The following NKAIN3 variants were observed in gnomAD, a reference collection of about 807,000 sequenced individuals.
NKAIN3 encodes the protein sodium/potassium transporting ATPase interacting 3.
NKAIN3 carries 25 observed loss-of-function variants against 30.2 expected under a neutral mutation model. That is an observed-to-expected ratio of 0.83 (90% CI 0.60 to 1.16). NKAIN3 has a LOEUF of 1.16. Among genes scored for constraint, NKAIN3 ranks in the 50% most tolerant of loss-of-function variants. The pLI is 0.00. For missense variants in NKAIN3, 225 were observed against 254.1 expected, an observed-to-expected ratio of 0.89 and a Z score of 0.78; for synonymous variants, 91 against 89.6, an observed-to-expected ratio of 1.02 and a Z score of -0.09.
intron 5 of NKAIN3, among the ~76,000 whole-genome samples, chr8:62,948,811 C>A (rs1823200550): frequency 6.6e-6 from 1 of 152,196 alleles, no homozygotes; most frequent in Non-Finnish European, 1.5e-5. Flanking sequence ...CCAGTTCCAA[C>A]CTCTCTTTCT....
At chr8:62,697,200 A>T (rs921208924) in intron 3 of NKAIN3, among the ~76,000 whole-genome samples, 4 of 152,106 alleles carry the variant, frequency 2.6e-5, no homozygotes, top group African/African-American at 9.7e-5. Flanking sequence ...TCAACAGCCA[A>T]CAGAGCCCTA....
At chr8:62,689,220 A>G (rs1586091460) in intron 3 of NKAIN3, among the ~76,000 whole-genome samples, 1 of 152,186 alleles carries the variant, frequency 6.6e-6, no homozygotes, top group Non-Finnish European at 1.5e-5. Context: ...TGATGCAACA[A>G]AAAGTGCTTG....
intron 3 of NKAIN3, among the ~76,000 whole-genome samples, chr8:62,721,992 A>C (rs1488689184): frequency 6.6e-6 from 1 of 152,284 alleles, no homozygotes; most frequent in East Asian, 1.9e-4. Flanking sequence ...TGTGAAAGGG[A>C]AGAGCTTTTC....
chr8:62,618,744 A>T (rs368973084), intron 3 of NKAIN3, among the ~76,000 whole-genome samples: 1 of 152,052 alleles, frequency 6.6e-6, no homozygotes, highest in Non-Finnish European at 1.5e-5. Context: ...TGTCTCTCCT[A>T]AAAATGCAAA....
intron 4 of NKAIN3, among the ~76,000 whole-genome samples, chr8:62,827,104 G>T (rs968472855): frequency 6.6e-6 from 1 of 152,162 alleles, no homozygotes; most frequent in Non-Finnish European, 1.5e-5. Context: ...CAAACCAAAA[G>T]GCTGGTATCA....
intron 4 of NKAIN3, among the ~76,000 whole-genome samples, chr8:62,857,476 G>A (rs188110065): frequency 7.2e-5 from 11 of 152,152 alleles, no homozygotes; most frequent in Admixed American, 3.3e-4. Context: ...TCTCTTTCAC[G>A]TACCCCAATC....
At chr8:62,696,376 A>T (rs1230320868) in intron 3 of NKAIN3, among the ~76,000 whole-genome samples, 1 of 152,188 alleles carries the variant, frequency 6.6e-6, no homozygotes, top group East Asian at 1.9e-4. Flanking sequence ...AAGATTTCAT[A>T]TCTATAGGCA....
At chr8:62,283,000 G>A (rs1278994848) in intron 1 of NKAIN3, among the ~76,000 whole-genome samples, 1 of 152,172 alleles carries the variant, frequency 6.6e-6, no homozygotes, top group Admixed American at 6.6e-5. Flanking sequence ...GCCGTGTTGA[G>A]TTCTGAACTC....
chr8:62,487,917 G>A (rs111838877), intron 1 of NKAIN3, among the ~76,000 whole-genome samples: 1 of 152,184 alleles, frequency 6.6e-6, no homozygotes, highest in Non-Finnish European at 1.5e-5. Context: ...CTGCTGAGGA[G>A]TCTGGATGTT....
intron 1 of NKAIN3, among the ~76,000 whole-genome samples, chr8:62,429,977 C>T (rs1311016243): frequency 6.6e-6 from 1 of 151,838 alleles, no homozygotes; most frequent in Non-Finnish European, 1.5e-5. Flanking sequence ...AAACAGTATA[C>T]CCATTGAACA....
At chr8:62,870,961 A>T (rs1563604689) in intron 4 of NKAIN3, among the ~76,000 whole-genome samples, 1 of 152,010 alleles carries the variant, frequency 6.6e-6, no homozygotes, top group Non-Finnish European at 1.5e-5. Context: ...CACAACAAAG[A>T]TCATACTGGG....
At chr8:62,802,890 C>T (rs533724403) in intron 4 of NKAIN3, among the ~76,000 whole-genome samples, 3 of 152,234 alleles carry the variant, frequency 2.0e-5, no homozygotes, top group Admixed American at 2.0e-4. Context: ...CAGAGACACA[C>T]ATAGGCTCAA....
intron 3 of NKAIN3, among the ~76,000 whole-genome samples, chr8:62,650,622 C>A (rs1317268283): frequency 6.6e-6 from 1 of 152,018 alleles, no homozygotes. Context: ...ATACATTTTC[C>A]ATAACTAATT....
chr8:62,951,033 C>T (rs1823271845), intron 5 of NKAIN3, among the ~76,000 whole-genome samples: 1 of 147,708 alleles, frequency 6.8e-6, no homozygotes, highest in South Asian at 2.2e-4. Flanking sequence ...TCTCTTTTCT[C>T]CAAAACTTAA....
chr8:62,834,709 C>G (rs917550672), intron 4 of NKAIN3, among the ~76,000 whole-genome samples: 2 of 151,978 alleles, frequency 1.3e-5, no homozygotes, highest in Non-Finnish European at 2.9e-5. Flanking sequence ...AAAAACATTC[C>G]ATGCTCATGG....
chr8:62,542,506 A>C (rs908200542), intron 1 of NKAIN3, among the ~76,000 whole-genome samples: 1 of 152,330 alleles, frequency 6.6e-6, no homozygotes, highest in Non-Finnish European at 1.5e-5. Flanking sequence ...AGACAAAACT[A>C]AACATGAATC....
chr8:62,280,793 AT>A, intron 1 of NKAIN3, among the ~76,000 whole-genome samples: 1 of 152,074 alleles, frequency 6.6e-6, no homozygotes, highest in Admixed American at 6.5e-5. Context: ...TTTGTTGAGG[AT>A]TTTTGCATCG....
intron 1 of NKAIN3, among the ~76,000 whole-genome samples, chr8:62,341,560 C>G (rs186241595): frequency 1.5e-3 from 233 of 152,146 alleles, no homozygotes; most frequent in Non-Finnish European, 2.5e-3. Context: ...AGTGGATTAA[C>G]TCTCCAAAGA....
chr8:62,965,732 C>A lies in NKAIN3; in HGVS notation c.*325C>A, dbSNP rs2130909357. On this transcript the variant is annotated 3_prime_UTR_variant, in exon 7 of 7. Coordinates refer to ENST00000623646, the MANE Select transcript of NKAIN3 (RefSeq NM_001304533.3). ...CTGTGAAAACCTTCTACAGTCAATT[C>A]TAAGAGAAATCTCAGTGTGTGCTGT... 2 of 984,408 alleles carry A rather than the reference C, an allele frequency of 2.0e-6. No individual in the cohort carries two copies. The highest frequency in any genetic ancestry group is 2.4e-6 in the Non-Finnish European group (2 of 829,268). 61.0% of individuals were successfully genotyped at this position (984,408 alleles called of 1,614,324 possible). A position where few individuals can be genotyped will look rare whatever the true frequency, so the allele number is the denominator to read the frequency against.
Sources: gnomAD v4.1 joint callset for allele counts (sites outside exome capture counted in the v4.1 genomes callset) on GRCh38, gnomAD v4.1.1 for gene constraint, MANE v1.5 for transcripts, NCBI Gene and HGNC (gene_info 2026-07-23, HGNC 2026-07-21) for gene names.